The following DYRK1B variants were observed in gnomAD, a reference collection of about 807,000 sequenced individuals.
DYRK1B encodes the protein dual specificity tyrosine phosphorylation regulated kinase 1B.
In DYRK1B, 20 loss-of-function variants were observed where a neutral mutation model predicts 57.1. The ratio of observed to expected loss-of-function variants is 0.35; its 90% CI spans 0.25 to 0.51. The LOEUF (loss-of-function observed/expected upper bound fraction) is 0.51. DYRK1B is among the 20% of genes least tolerant of loss of function. The pLI, the probability that DYRK1B is intolerant of heterozygous loss-of-function variation, is 0.96. For missense variants in DYRK1B, 732 were observed against 886.3 expected, an observed-to-expected ratio of 0.83 and a Z score of 2.21; for synonymous variants, 409 against 384.7, an observed-to-expected ratio of 1.06 and a Z score of -0.74.
intron 6 of DYRK1B, 137 bp from the exon 7 acceptor site, chr19:39,827,793 C>G (rs1968609900): frequency 1.8e-6 from 2 of 1,126,460 alleles, no homozygotes; most frequent in African/African-American, 3.1e-5. Context: ...CTGCCATTAT[C>G]AGCACCAATT....
intron 1 of DYRK1B, chr19:39,832,845 A>C (rs1460725659): frequency 1.1e-6 from 1 of 898,720 alleles, no homozygotes; most frequent in Admixed American, 6.2e-5. Flanking sequence ...ATCAAGGCCC[A>C]CTCCTCCTGA....
chr19:39,830,173 A>T, intron 4 of DYRK1B, 146 bp from the exon 5 acceptor site: 1 of 1,185,352 alleles, frequency 8.4e-7, no homozygotes, highest in East Asian at 2.4e-5. Flanking sequence ...GCGCTGGTGT[A>T]AACACTGGAT....
In DYRK1B at chr19:39,826,656, G is replaced by C; in HGVS notation, c.1411+16C>G. The C allele has an allele frequency of 6.3e-7, 1 of 1,581,256 alleles. No homozygotes were observed. Among genetic ancestry groups the C allele is most frequent in the Non-Finnish European group, 8.6e-7 (1 of 1,166,058 alleles). On this transcript the variant is annotated intron_variant, in intron 9 of 10. Coordinates refer to ENST00000323039, the MANE Select transcript of DYRK1B (RefSeq NM_004714.3). This position sits in a 1 kb window ranked among gnomAD's most constrained non-coding sequence, Gnocchi z 6.3. ...CCCCCACCCGTTGTACCCCATTTGG[G>C]CACCTGGGCACCCACCAGAACTGGA...
intron 5 of DYRK1B, among the ~76,000 whole-genome samples, chr19:39,829,041 G>A (rs1338703862): frequency 6.6e-6 from 1 of 152,186 alleles, no homozygotes; most frequent in Non-Finnish European, 1.5e-5. Flanking sequence ...AGAAAGACTG[G>A]CACAGATGTT....
chr19:39,827,953 T>A (rs1968618759), intron 6 of DYRK1B, among the ~76,000 whole-genome samples: 1 of 152,080 alleles, frequency 6.6e-6, no homozygotes, highest in Non-Finnish European at 1.5e-5. Flanking sequence ...CCATCGTCAC[T>A]TTTAGTGGCA....
Position 39,828,624 on chromosome 19 carries a change from TCA to T in DYRK1B, c.521-43_521-42del. 2 of 1,576,842 alleles carry T rather than the reference TCA, an allele frequency of 1.3e-6. No homozygotes were observed. The highest frequency in any genetic ancestry group is 1.7e-6 in the Non-Finnish European group (2 of 1,156,542). On this transcript the variant is annotated intron_variant, in intron 5 of 10. Coordinates refer to ENST00000323039, the MANE Select transcript of DYRK1B (RefSeq NM_004714.3). The surrounding 1 kb of genome is among the most constrained non-coding windows in gnomAD (Gnocchi z 4.3). ...GGAAATGGGCCAGAGAAGAAACGGC[TCA>T]GAGAGGGCAGGTGGTGGCCTGGGGT...
chr19:39,831,626 C>A (rs1395493880), intron 2 of DYRK1B, among the ~76,000 whole-genome samples, 179 bp downstream of exon 2: 1 of 152,208 alleles, frequency 6.6e-6, no homozygotes, highest in African/African-American at 2.4e-5. Context: ...GGATTTGAAC[C>A]CAGCCTCTCC....
chr19:39,833,408 G>A (rs2145043687), intron 1 of DYRK1B: 1 of 969,164 alleles, frequency 1.0e-6, no homozygotes, highest in South Asian at 4.8e-5. Context: ...CCCGCGGCGG[G>A]GAGGGCAAGC....
In DYRK1B at chr19:39,826,769, G is replaced by A. The variant is rs1282571243; in HGVS notation, c.1314C>T (p.Ala438=). Residue 438 remains alanine, a synonymous_variant, in exon 9 of 11, where the codon GCC becomes GCT. Transcript: ENST00000323039. This position sits in a 1 kb window ranked among gnomAD's most constrained non-coding sequence, Gnocchi z 6.3. ...TGCTGCCTGCCGGGCCCGTGTTGGT[G>A]GCCTCGTCGGCCGTGCGGCGGAAGA... ...HGFFRRTADE[A]TNTGPAGSSA... is the part of the protein sequence containing the mutation. The A allele has an allele frequency of 6.4e-7, 1 of 1,573,450 alleles. No homozygotes were observed. The highest frequency in any genetic ancestry group is 8.6e-7 in the Non-Finnish European group (1 of 1,161,786).
rs752428936 is a variant in DYRK1B, at chr19:39,826,777, C to T, written c.1306G>A (p.Asp436Asn). Residue 436 changes from aspartate (D) to asparagine (N), a missense_variant, in exon 9 of 11, where the codon GAC becomes AAC. Physicochemically the swap from Asp to Asn is conservative, Grantham distance 23. Around this residue, in one of 2 missense-constraint regions of DYRK1B, gnomAD observed 510 missense variants for 681.3 expected, o/e 0.75. Transcript: ENST00000323039. This position sits in a 1 kb window ranked among gnomAD's most constrained non-coding sequence, Gnocchi z 6.3. ...LQHGFFRRTA[D>N]EATNTGPAGS... ...GCCGGGCCCGTGTTGGTGGCCTCGT[C>T]GGCCGTGCGGCGGAAGAAGCCGTGC... 1.2e-5 allele frequency: 19 copies of T among 1,563,210 alleles called. No homozygotes were observed. Among genetic ancestry groups the T allele is most frequent in the Admixed American group, 9.5e-5 (5 of 52,710 alleles).
intron 5 of DYRK1B, among the ~76,000 whole-genome samples, chr19:39,829,023 A>G (rs1238864091): frequency 6.6e-6 from 1 of 152,220 alleles, no homozygotes; most frequent in Non-Finnish European, 1.5e-5. Context: ...GAATCAGTTT[A>G]AGGGAGGAGA....
In DYRK1B at chr19:39,829,988, C is replaced by A; in HGVS notation, c.412G>T (p.Ala138Ser). Residue 138 changes from alanine to serine, a missense_variant, in exon 5 of 11, where the codon GCC (alanine) becomes TCC (serine). By Grantham distance (99) the Ala-to-Ser change is moderately conservative. Transcript: ENST00000323039. ...AYDHQTQELVAIKIIKNKKAF... is the reference protein window; with the variant it reads ...AYDHQTQELVSIKIIKNKKAF... ...TTTTTGTTCTTGATGATCTTGATGG[C>A]CACAAGCTCCTGGGTCTGATGATCA... 1.2e-6 allele frequency: 2 copies of A among 1,614,070 alleles called. No homozygotes were observed. Among genetic ancestry groups the A allele is most frequent in the Non-Finnish European group, 1.7e-6 (2 of 1,180,030 alleles).
chr19:39,833,788 G>C (rs748071251), intron 1 of DYRK1B: 4 of 152,334 alleles, frequency 2.6e-5, no homozygotes, highest in Non-Finnish European at 4.4e-5. Context: ...AACAAAGGGC[G>C]GGAGTGGGGC....
chr19:39,827,014 G>GGGGGGGGGGCC, intron 8 of DYRK1B, 27 bp from the exon 9 acceptor site: 3 of 419,582 alleles, frequency 7.1e-6, no homozygotes, highest in Non-Finnish European at 1.3e-5. Context: ...GGGAGGGGGG[G>GGGGGGGGGGCC]CAAGAGAGTG....
rs1968663136 is a variant in DYRK1B, at chr19:39,828,745, C to A, written c.521-162G>T. On this transcript the variant is annotated intron_variant, in intron 5 of 10. Coordinates refer to ENST00000323039, the MANE Select transcript of DYRK1B (RefSeq NM_004714.3). This position sits in a 1 kb window ranked among gnomAD's most constrained non-coding sequence, Gnocchi z 4.3. ...TTTTTATCTAACAACTAGATTCACA[C>A]AGGAAGTTAATGCTCTTTCCAAGTC... Among the ~76,000 whole-genome samples the A allele has an allele frequency of 6.6e-6, 1 of 152,210 alleles. No homozygotes were observed. Among genetic ancestry groups the A allele is most frequent in the Non-Finnish European group, 1.5e-5 (1 of 68,044 alleles).
In DYRK1B at chr19:39,826,685, G is replaced by A. The variant is rs769760499; in HGVS notation, c.1398C>T (p.Ser466=). The A allele has an allele frequency of 5.6e-6, 9 of 1,603,618 alleles. No homozygotes were observed. Among genetic ancestry groups the A allele is most frequent in the East Asian group, 2.3e-5 (1 of 44,182 alleles). The stretch of plus-strand genomic sequence containing the variant: ...CTGGGCACCCACCAGAACTGGAGAT[G>A]GAGCTGGCGGTGCTGGAAGAGGGGC... ...DTCPSSSTAS[S]ISSSGGSSGS... The change falls in exon 9 of 11, where the codon TCC becomes TCT. Residue 466 remains serine, a synonymous_variant. Transcript: ENST00000323039. This position sits in a 1 kb window ranked among gnomAD's most constrained non-coding sequence, Gnocchi z 6.3.
chr19:39,833,368 A>C, intron 1 of DYRK1B: 1 of 985,216 alleles, frequency 1.0e-6, no homozygotes, highest in South Asian at 4.7e-5. Flanking sequence ...GGCGCTGAAA[A>C]GGCGACCGCC....
At chr19:39,833,431 C>G in intron 1 of DYRK1B, 1 of 861,586 alleles carries the variant, frequency 1.2e-6, no homozygotes, top group African/African-American at 1.8e-5. Context: ...GACAGGAGGC[C>G]CGGTGGGTGA....
rs1288641460 is a variant in DYRK1B, at chr19:39,825,645, G to A, written c.*70C>T. The stretch of plus-strand genomic sequence containing the variant: ...CAATTCCAGTCAAGGAGAGAGATGA[G>A]GATGGGAGCCCAGGGCCCCCAGATG... On this transcript the variant is annotated 3_prime_UTR_variant, in exon 11 of 11. Transcript: ENST00000323039. The A allele has an allele frequency of 1.4e-6, 2 of 1,451,590 alleles. No individual in the cohort carries two copies. Among genetic ancestry groups the A allele is most frequent in the Non-Finnish European group, 9.3e-7 (1 of 1,071,106 alleles). 89.9% of individuals were successfully genotyped at this position (1,451,590 alleles called of 1,614,324 possible). A position where few individuals can be genotyped will look rare whatever the true frequency, so the allele number is the denominator to read the frequency against.
Sources: allele counts gnomAD v4.1 joint callset (sites outside exome capture counted in the v4.1 genomes callset), GRCh38; gene constraint gnomAD v4.1.1; regional missense constraint gnomAD v4.1.1; non-coding constraint Gnocchi (gnomAD v3.1); transcripts MANE v1.5; gene names NCBI Gene and HGNC (gene_info 2026-07-23, HGNC 2026-07-21).